The following RAB31 variants were observed in gnomAD, a reference collection of about 807,000 sequenced individuals.
The protein encoded by RAB31 is RAB31, member RAS oncogene family, also known as ras-related protein Rab-31.
RAB31 carries 21 observed loss-of-function variants against 25.6 expected under a neutral mutation model. The observed-to-expected ratio is 0.82, with a 90% CI of 0.58 to 1.18. RAB31 has a LOEUF of 1.18. Ranked by LOEUF, RAB31 falls within the 50% of genes most tolerant of loss-of-function variation. RAB31 has a pLI of 0.00. For synonymous variants in RAB31, 87 were observed against 84.0 expected (o/e 1.04, Z -0.20); for missense variants, 196 against 250.1 (o/e 0.78, Z 1.46).
At chr18:9,738,642 TC>T (rs1256835124) in intron 1 of RAB31, among the ~76,000 whole-genome samples, 1 of 152,198 alleles carries the variant, frequency 6.6e-6, no homozygotes, top group Non-Finnish European at 1.5e-5. Flanking sequence ...TTCATCTGCA[TC>T]CTGTGTAACA....
At chr18:9,831,312 T>C (rs2143108262) in intron 5 of RAB31, among the ~76,000 whole-genome samples, 1 of 152,362 alleles carries the variant, frequency 6.6e-6, no homozygotes, top group East Asian at 1.9e-4. Context: ...TTCTTTCTGT[T>C]GGCTCCCCTG....
chr18:9,764,046 C>G (rs1201529012), intron 1 of RAB31, among the ~76,000 whole-genome samples: 3 of 152,076 alleles, frequency 2.0e-5, no homozygotes, highest in Admixed American at 2.0e-4. Flanking sequence ...AGTGCTGTAG[C>G]TCAGCAGCAA....
chr18:9,789,807 T>C (rs896499243), intron 2 of RAB31, among the ~76,000 whole-genome samples: 1 of 152,276 alleles, frequency 6.6e-6, no homozygotes, highest in Non-Finnish European at 1.5e-5. Context: ...AATAAAGGAA[T>C]AGATGTGGTT....
intron 6 of RAB31, among the ~76,000 whole-genome samples, chr18:9,854,276 G>T (rs909013996): frequency 6.6e-6 from 1 of 152,138 alleles, no homozygotes; most frequent in South Asian, 2.1e-4. Flanking sequence ...TGGAGGGGAA[G>T]CCTAATGATT....
chr18:9,740,008 A>T (rs1186781697), intron 1 of RAB31, among the ~76,000 whole-genome samples: 1 of 152,178 alleles, frequency 6.6e-6, no homozygotes, highest in African/African-American at 2.4e-5. Flanking sequence ...TTGATCTGCA[A>T]ACTTGGAGCT....
Position 9,713,425 on chromosome 18 carries a change from C to T in RAB31, c.39+4981C>T, listed in dbSNP as rs141185791. 2.4e-4 allele frequency among the ~76,000 whole-genome samples: 36 copies of T among 152,192 alleles called. No homozygotes were observed. In the East Asian group the frequency reaches 5.0e-3, roughly 21 times the overall value. On this transcript the variant is annotated intron_variant, in intron 1 of 6. Coordinates refer to ENST00000578921, the MANE Select transcript of RAB31 (RefSeq NM_006868.4). ...TGTTCAGCATTGGTGACTCTGGGTA[C>T]GTTCTATGTTACACGAGAATAAATA... is the stretch of plus-strand genomic sequence containing the variant.
chr18:9,817,452 A>G (rs901575004), intron 5 of RAB31, among the ~76,000 whole-genome samples: 2 of 152,162 alleles, frequency 1.3e-5, no homozygotes, highest in Admixed American at 1.3e-4. Flanking sequence ...GGCATTTGAC[A>G]TGTTCCAGAG....
At chr18:9,804,823 CA>C (rs5823072) in intron 3 of RAB31, among the ~76,000 whole-genome samples, 151,959 of 152,070 alleles carry the variant, frequency 1, 75,924 homozygotes, top group Middle Eastern at 1. Context: ...CCCCTCACTC[CA>C]AAAAAAAGAG....
intron 5 of RAB31, among the ~76,000 whole-genome samples, chr18:9,827,445 G>A (rs1363775007): frequency 1.3e-5 from 2 of 152,142 alleles, no homozygotes; most frequent in Admixed American, 6.5e-5. Flanking sequence ...CCTTGAGATG[G>A]CTCTGCTGTC....
At position 9,815,254 on chromosome 18, in the gene RAB31, T is replaced by C. The variant is rs747256868; in HGVS notation, c.380+32T>C. ...TGCATTGAAATCTCTTTTGTGTAGA[T>C]ACTGTCCTCCATCCCTGAGTGTCAT... On this transcript the variant is annotated intron_variant, in intron 5 of 6. Transcript: ENST00000578921. The C allele has an allele frequency of 6.3e-6, 9 of 1,433,812 alleles. No individual in the cohort carries two copies. The African/African-American group carries it at 1.0e-4, about 16-fold the overall frequency. The allele number at this position is 1,433,812 out of a possible 1,614,324, so 88.8% of individuals were successfully genotyped here.
chr18:9,762,862 A>G (rs2068296322), intron 1 of RAB31, among the ~76,000 whole-genome samples: 1 of 152,074 alleles, frequency 6.6e-6, no homozygotes. Flanking sequence ...TTTGCTCCTG[A>G]TAACGTCAGT....
At chr18:9,744,559 G>A (rs1260099138) in intron 1 of RAB31, among the ~76,000 whole-genome samples, 1 of 151,998 alleles carries the variant, frequency 6.6e-6, no homozygotes, top group Admixed American at 6.6e-5. Flanking sequence ...ATATTTTATG[G>A]TCCCTATTAA....
intron 1 of RAB31, among the ~76,000 whole-genome samples, chr18:9,754,466 G>T (rs535183882): frequency 1.3e-5 from 2 of 152,192 alleles, no homozygotes; most frequent in Admixed American, 1.3e-4. Flanking sequence ...TTTTAGTAGA[G>T]ACGGGGTTTC....
intron 1 of RAB31, among the ~76,000 whole-genome samples, chr18:9,715,426 TTG>T (rs1555682908): frequency 6.0e-5 from 9 of 149,220 alleles, no homozygotes; most frequent in African/African-American, 1.5e-4. Flanking sequence ...TTTTTTTTTT[TTG>T]AAAAATTTAA....
intron 5 of RAB31, among the ~76,000 whole-genome samples, chr18:9,838,601 T>C (rs1205861677): frequency 1.3e-5 from 2 of 152,194 alleles, no homozygotes; most frequent in Non-Finnish European, 2.9e-5. Context: ...GCAGCTGCCA[T>C]GTTGCCAGGT....
At chr18:9,723,100 T>C (rs2145459941) in intron 1 of RAB31, among the ~76,000 whole-genome samples, 1 of 152,248 alleles carries the variant, frequency 6.6e-6, no homozygotes, top group Non-Finnish European at 1.5e-5. Context: ...CAGGCTGGAG[T>C]GCAGTGGTGT....
At chr18:9,775,007 A>G (rs558067634) in intron 1 of RAB31, 4 of 566,378 alleles carry the variant, frequency 7.1e-6, no homozygotes, top group Admixed American at 6.8e-5. Context: ...CATAGTGAAC[A>G]TGTTCATTTT....
intron 3 of RAB31, among the ~76,000 whole-genome samples, chr18:9,811,364 A>G (rs980016960): frequency 3.0e-4 from 45 of 152,324 alleles, no homozygotes; most frequent in African/African-American, 9.4e-4. Flanking sequence ...CCTCACCAGC[A>G]TTCCTCAGTG....
intron 3 of RAB31, among the ~76,000 whole-genome samples, chr18:9,812,326 G>A (rs2068576774): frequency 6.6e-6 from 1 of 152,126 alleles, no homozygotes; most frequent in Admixed American, 6.5e-5. Context: ...GCGTGTGATG[G>A]TCACTCCAGT....
Sources: allele counts gnomAD v4.1 joint callset (sites outside exome capture counted in the v4.1 genomes callset), GRCh38; gene constraint gnomAD v4.1.1; transcripts MANE v1.5; gene names NCBI Gene and HGNC (gene_info 2026-07-23, HGNC 2026-07-21).